GPHN: variants seen among roughly 807,000 people sequenced by gnomAD.
GPHN encodes gephyrin.
GPHN carries 17 observed loss-of-function variants against 95.5 expected under a neutral mutation model. The observed-to-expected ratio is 0.18, with a 90% CI of 0.12 to 0.27. The LOEUF (loss-of-function observed/expected upper bound fraction) is 0.27. Ranked by LOEUF, GPHN falls within the 10% of genes least tolerant of loss-of-function variation. The probability of loss-of-function intolerance (pLI) is 1.00; values close to 1 mark genes in which losing one functional copy is unlikely to be tolerated. For synonymous variants in GPHN, 320 were observed against 322.5 expected, an observed-to-expected ratio of 0.99 and a Z score of 0.08; for missense variants, 660 against 978.1, an observed-to-expected ratio of 0.67 and a Z score of 4.34.
At chr14:67,472,095 A>G in the GPHN span, 2 of 152,300 alleles carry the variant, frequency 1.3e-5, no homozygotes, top group African/African-American at 4.8e-5. Context: ...ATACTGTTTA[A>G]GGAGTGAGCT....
rs377093206 is a variant in GPHN, at chr14:66,683,347, T to TGTTC, written c.143+2162_143+2163insGTTC. Among the ~76,000 whole-genome samples the TGTTC allele has an allele frequency of 2.1e-3, 200 of 94,614 alleles. 21 individuals are homozygous for TGTTC. Among genetic ancestry groups the TGTTC allele is most frequent in the South Asian group, 8.9e-3 (27 of 3,020 alleles). 62.1% of individuals were successfully genotyped at this position (94,614 alleles called of 152,430 possible). ...ATGTGGAAATATATATATATATATA[T>TGTTC]ATATATATATATATATATATATATA... On this transcript the variant is annotated intron_variant, in intron 2 of 22. Coordinates refer to ENST00000478722, the MANE Select transcript of GPHN (RefSeq NM_020806.5).
At chr14:66,689,706 C>A (rs984919873) in intron 2 of GPHN, among the ~76,000 whole-genome samples, 2 of 152,092 alleles carry the variant, frequency 1.3e-5, no homozygotes, top group Non-Finnish European at 2.9e-5. Context: ...CAAATTTAGT[C>A]ACGTTAATTT....
the GPHN span, among the ~76,000 whole-genome samples, chr14:67,314,420 A>G: frequency 6.6e-6 from 1 of 152,236 alleles, no homozygotes; most frequent in Non-Finnish European, 1.5e-5. Flanking sequence ...TTTAAAACTC[A>G]GAGGCTAGAA....
the GPHN span, among the ~76,000 whole-genome samples, chr14:67,661,506 T>C: frequency 2.7e-5 from 4 of 149,898 alleles, no homozygotes; most frequent in Non-Finnish European, 5.9e-5. Flanking sequence ...TCTGTGACAG[T>C]AGGTTTAACA....
At chr14:67,018,362 A>G (rs1594831263) in intron 9 of GPHN, among the ~76,000 whole-genome samples, 1 of 152,102 alleles carries the variant, frequency 6.6e-6, no homozygotes, top group Admixed American at 6.5e-5. Context: ...GGAACTTGGG[A>G]ATTTTTTTTT....
chr14:66,665,368 T>C (rs1371272316), intron 1 of GPHN, among the ~76,000 whole-genome samples: 3 of 152,048 alleles, frequency 2.0e-5, no homozygotes, highest in African/African-American at 7.2e-5. Context: ...AGGGCTAATA[T>C]CCAGAATCTA....
chr14:66,660,638 C>T lies in GPHN; in HGVS notation c.65-20469C>T, dbSNP rs113454321. 3.8e-3 allele frequency among the ~76,000 whole-genome samples: 581 copies of T among 151,982 alleles called. 12 individuals carry two copies. The highest frequency in any genetic ancestry group is 0.013 in the African/African-American group (536 of 41,414). ...ACTTCAAAAAGTACTTCCAGTGGGG[C>T]GCCAAGATGGCCAACTAAAAGCAGC... On this transcript the variant is annotated intron_variant, in intron 1 of 22. Coordinates refer to ENST00000478722, the MANE Select transcript of GPHN (RefSeq NM_020806.5).
intron 1 of GPHN, among the ~76,000 whole-genome samples, chr14:66,528,895 A>G (rs2058798263): frequency 6.6e-6 from 1 of 151,528 alleles, no homozygotes; most frequent in Non-Finnish European, 1.5e-5. Flanking sequence ...TGCCATTAAC[A>G]TTTTTTCCTT....
chr14:66,757,346 GCACACA>G (rs747764907), intron 2 of GPHN, among the ~76,000 whole-genome samples: 2 of 112,390 alleles, frequency 1.8e-5, no homozygotes, highest in Non-Finnish European at 3.2e-5. Flanking sequence ...ATATATACAC[GCACACA>G]CACACACACA....
chr14:67,224,685 C>A, the GPHN span: 1 of 313,584 alleles, frequency 3.2e-6, no homozygotes, highest in Non-Finnish European at 6.2e-6. Context: ...GATATTTTTT[C>A]CAAGATGAAA....
chr14:67,212,604 T>G, the GPHN span, among the ~76,000 whole-genome samples: 196 of 143,980 alleles, frequency 1.4e-3, 2 homozygotes, highest in Non-Finnish European at 6.9e-4. Context: ...AAAAAATATA[T>G]ATATATATAT....
chr14:67,400,716 G>A, the GPHN span, among the ~76,000 whole-genome samples: 1 of 152,050 alleles, frequency 6.6e-6, no homozygotes, highest in African/African-American at 2.4e-5. Context: ...GGCTGAGCTC[G>A]GTGGTTCACG....
At chr14:67,162,012 A>G (rs118062979) in intron 19 of GPHN, among the ~76,000 whole-genome samples, 1 of 152,324 alleles carries the variant, frequency 6.6e-6, no homozygotes, top group South Asian at 2.1e-4. Context: ...ATGCTGTTAT[A>G]GTCTGAGCTC....
At chr14:67,579,152 T>G in the GPHN span, 16 of 1,605,144 alleles carry the variant, frequency 1.0e-5, no homozygotes, top group Non-Finnish European at 1.4e-5. Flanking sequence ...CTGGCCAGTA[T>G]GCCACCTACT....
the GPHN span, among the ~76,000 whole-genome samples, chr14:67,367,133 A>C: frequency 6.6e-6 from 1 of 152,204 alleles, no homozygotes; most frequent in Non-Finnish European, 1.5e-5. Flanking sequence ...GTAGCCTAAT[A>C]GGGGAAAAAT....
the GPHN span, among the ~76,000 whole-genome samples, chr14:67,433,752 A>G: frequency 6.6e-6 from 1 of 152,242 alleles, no homozygotes; most frequent in African/African-American, 2.4e-5. Context: ...CATACTCTAC[A>G]GAAACAAATT....
At chr14:66,561,729 C>A (rs555671365) in intron 1 of GPHN, among the ~76,000 whole-genome samples, 7 of 152,028 alleles carry the variant, frequency 4.6e-5, no homozygotes, top group Non-Finnish European at 8.8e-5. Flanking sequence ...TTTTAGTTTT[C>A]TATTGTTATA....
intron 5 of GPHN, among the ~76,000 whole-genome samples, chr14:66,894,141 A>C (rs1435862481): frequency 6.6e-6 from 1 of 152,200 alleles, no homozygotes; most frequent in Non-Finnish European, 1.5e-5. Context: ...CCAAAACAGC[A>C]TGGTACTGGT....
At chr14:66,967,852 G>A (rs2069453007) in intron 9 of GPHN, among the ~76,000 whole-genome samples, 1 of 151,728 alleles carries the variant, frequency 6.6e-6, no homozygotes, top group South Asian at 2.1e-4. Context: ...ATTTCACCAG[G>A]GGCGTGAAGA....
Sources: allele counts gnomAD v4.1 joint callset (sites outside exome capture counted in the v4.1 genomes callset), GRCh38; gene constraint gnomAD v4.1.1; transcripts MANE v1.5; gene names NCBI Gene and HGNC (gene_info 2026-07-23, HGNC 2026-07-21).